The following UBE2L3 variants were observed in gnomAD, a reference collection of about 807,000 sequenced individuals.
UBE2L3 encodes the protein ubiquitin-conjugating enzyme E2 L3.
Under a neutral mutation model 17.8 loss-of-function variants are expected in UBE2L3, and 1 was observed. The observed-to-expected ratio is 0.06, with a 90% CI of 0.02 to 0.27. UBE2L3 has a LOEUF of 0.27. Ranked by LOEUF, UBE2L3 falls within the 10% of genes least tolerant of loss-of-function variation. UBE2L3 has a pLI of 1.00. For synonymous variants in UBE2L3, 44 were observed against 68.5 expected (o/e 0.64, Z 1.76); for missense variants, 40 against 192.6 (o/e 0.21, Z 4.69).
chr22:21,613,325 C>T (rs1312443825), intron 3 of UBE2L3, among the ~76,000 whole-genome samples: 1 of 152,162 alleles, frequency 6.6e-6, no homozygotes, highest in Admixed American at 6.5e-5. Context: ...GGCTGCTTCT[C>T]CCCCACCCCC....
chr22:21,580,626 A>G (rs1023194081), intron 1 of UBE2L3, among the ~76,000 whole-genome samples: 23 of 149,538 alleles, frequency 1.5e-4, no homozygotes, highest in African/African-American at 5.7e-4. Context: ...AGTTTTTTGT[A>G]TTTTTAGTAG....
At chr22:21,593,832 A>T (rs1482621597) in intron 2 of UBE2L3, among the ~76,000 whole-genome samples, 1 of 151,602 alleles carries the variant, frequency 6.6e-6, no homozygotes, top group Admixed American at 6.6e-5. Flanking sequence ...CCAGCCTGCC[A>T]CTCGCTCCTG....
At chr22:21,615,399 A>G (rs1041067085) in intron 3 of UBE2L3, among the ~76,000 whole-genome samples, 50 of 150,578 alleles carry the variant, frequency 3.3e-4, no homozygotes, top group Non-Finnish European at 5.8e-4. Flanking sequence ...ACTAAAAATA[A>G]AAAAAATTAG....
intron 2 of UBE2L3, among the ~76,000 whole-genome samples, chr22:21,605,039 A>T (rs1180454480): frequency 6.6e-6 from 1 of 152,116 alleles, no homozygotes; most frequent in Non-Finnish European, 1.5e-5. Flanking sequence ...CAGCCTTAAC[A>T]ACTAACAACT....
chr22:21,569,725 GCTA>G (rs1413449344), intron 1 of UBE2L3, among the ~76,000 whole-genome samples: 17 of 152,136 alleles, frequency 1.1e-4, no homozygotes, highest in African/African-American at 4.1e-4. Context: ...AATCACAGTA[GCTA>G]CTATTTTTCC....
intron 1 of UBE2L3, among the ~76,000 whole-genome samples, chr22:21,584,302 C>T (rs1359750283): frequency 8.0e-5 from 12 of 150,602 alleles, no homozygotes; most frequent in Admixed American, 3.3e-4. Flanking sequence ...CTTAGCCTCC[C>T]GAGTAGCTGG....
intron 1 of UBE2L3, among the ~76,000 whole-genome samples, chr22:21,582,046 G>C (rs1256298259): frequency 1.3e-5 from 2 of 151,666 alleles, no homozygotes; most frequent in Non-Finnish European, 2.9e-5. Flanking sequence ...CTTGAACCTG[G>C]GAGGCGGAGG....
chr22:21,567,584 C>T (rs7290873), upstream of UBE2L3: 5,583 of 1,455,172 alleles, frequency 3.8e-3, 213 homozygotes, highest in African/African-American at 0.072. Flanking sequence ...CACTTGCGTT[C>T]CTCCACGCGC....
chr22:21,617,426 C>T (rs915544405), intron 3 of UBE2L3, among the ~76,000 whole-genome samples: 4 of 152,040 alleles, frequency 2.6e-5, no homozygotes, highest in Admixed American at 6.6e-5. Context: ...GCCACCACAC[C>T]TGGCTAGTTT....
At chr22:21,615,243 T>C (rs559322098) in intron 3 of UBE2L3, among the ~76,000 whole-genome samples, 2 of 151,668 alleles carry the variant, frequency 1.3e-5, no homozygotes, top group African/African-American at 2.4e-5. Flanking sequence ...TACTGTCTTA[T>C]GGTACATAAA....
At chr22:21,615,687 A>C (rs1482102820) in intron 3 of UBE2L3, among the ~76,000 whole-genome samples, 1 of 152,210 alleles carries the variant, frequency 6.6e-6, no homozygotes, top group African/African-American at 2.4e-5. Context: ...CCTACTCACT[A>C]AAGTTTTTTG....
intron 2 of UBE2L3, among the ~76,000 whole-genome samples, chr22:21,603,216 G>GT (rs2148433606): frequency 6.6e-6 from 1 of 152,156 alleles, no homozygotes; most frequent in Non-Finnish European, 1.5e-5. Context: ...TTTAAAACCG[G>GT]TATCTTTCTT....
chr22:21,621,038 C>T (rs1207834906), intron 3 of UBE2L3, among the ~76,000 whole-genome samples: 1 of 152,198 alleles, frequency 6.6e-6, no homozygotes, highest in African/African-American at 2.4e-5. Context: ...TGGTGCACGA[C>T]TGTAGTCCTG....
chr22:21,598,209 G>GTGTGTGTGTGTGTGTGTGTT (rs1555885645), intron 2 of UBE2L3, among the ~76,000 whole-genome samples: 1 of 151,664 alleles, frequency 6.6e-6, no homozygotes, highest in African/African-American at 2.4e-5. Context: ...GTGTGTGTGT[G>GTGTGTGTGTGTGTGTGTGTT]TTTTTCATTT....
At chr22:21,567,804 G>A in intron 1 of UBE2L3, 33 bp downstream of exon 1, 2 of 1,570,494 alleles carry the variant, frequency 1.3e-6, no homozygotes, top group Non-Finnish European at 1.7e-6. Flanking sequence ...GGCCGGGCGT[G>A]GGGCGGCGTC....
At position 21,558,091 on chromosome 22, in the gene UBE2L3, C is replaced by A. The variant is rs571621581; in HGVS notation, c.201+8441C>A. Among the ~76,000 whole-genome samples the A allele has an allele frequency of 2.0e-5, 3 of 151,108 alleles. No homozygotes were observed. The South Asian group carries it at 6.4e-4, about 32-fold the overall frequency. ...CTTTCCCTCTCTCTACAACCCCAGT[C>A]TATGACTTTTGGGCCACGGAGTCTG... On this transcript the variant is annotated intron_variant, in intron 1 of 3. Coordinates refer to the UBE2L3 transcript ENST00000458578.
intron 1 of UBE2L3, among the ~76,000 whole-genome samples, chr22:21,588,052 T>A (rs976712674): frequency 1.3e-5 from 2 of 152,196 alleles, no homozygotes; most frequent in African/African-American, 4.8e-5. Context: ...TGCTTTCCCT[T>A]GAACTCTCTC....
chr22:21,602,935 A>G (rs995512388), intron 2 of UBE2L3, among the ~76,000 whole-genome samples: 3 of 152,170 alleles, frequency 2.0e-5, no homozygotes, highest in Non-Finnish European at 2.9e-5. Flanking sequence ...CAGTCACTCA[A>G]TCGTACTTCA....
chr22:21,604,682 T>C (rs867100496), intron 2 of UBE2L3, among the ~76,000 whole-genome samples: 1 of 152,316 alleles, frequency 6.6e-6, no homozygotes, highest in East Asian at 1.9e-4. Flanking sequence ...AGCTCTAATG[T>C]TGAAATTCAC....
Sources: allele counts gnomAD v4.1 joint callset (sites outside exome capture counted in the v4.1 genomes callset), GRCh38; gene constraint gnomAD v4.1.1; transcripts MANE v1.5; gene names NCBI Gene and HGNC (gene_info 2026-07-23, HGNC 2026-07-21).